NID2: variants seen among roughly 807,000 people sequenced by gnomAD.
NID2 encodes the protein nidogen-2.
Under a neutral mutation model 145.4 loss-of-function variants are expected in NID2, and 83 were observed. The observed-to-expected ratio is 0.57, with a 90% CI of 0.48 to 0.69. The LOEUF (loss-of-function observed/expected upper bound fraction) is 0.69, where lower values mean the gene tolerates loss of function less well. Among genes scored for constraint, NID2 ranks in the 30% least tolerant of loss-of-function variants. The probability of loss-of-function intolerance (pLI) is 0.00; values close to 1 mark genes in which losing one functional copy is unlikely to be tolerated. For missense variants in NID2, 1,807 were observed against 1,765.7 expected (o/e 1.02, Z -0.42); for synonymous variants, 739 against 701.3 (o/e 1.05, Z -0.85).
intron 19 of NID2, 99 bp from the exon 20 acceptor site, chr14:52,006,759 A>G: frequency 1.5e-6 from 2 of 1,306,544 alleles, no homozygotes; most frequent in South Asian, 2.7e-5. Context: ...GGGAAATAGG[A>G]TATTTTACTT....
rs1419051946 is a variant in NID2, at chr14:52,019,229, G to C, written c.2860C>G (p.Pro954Ala). ...QRHAQAQYAY[P>A]GARFHIPQCD... is the part of the protein sequence containing the mutation. ...TGGGGGATGTGGAACCGGGCCCCAGGGTAGGCATACTGGGCCTGGGCATGG... is the reference window on the plus strand; with the variant it reads ...TGGGGGATGTGGAACCGGGCCCCAGCGTAGGCATACTGGGCCTGGGCATGG... The change falls in exon 14 of 22, where the codon CCT (proline) becomes GCT (alanine). Residue 954 changes from proline (P) to alanine (A), a missense_variant. Pro to Ala is a conservative substitution (Grantham distance 27). Coordinates refer to ENST00000216286, the MANE Select transcript of NID2 (RefSeq NM_007361.4). 1.2e-6 allele frequency: 2 copies of C among 1,612,462 alleles called. No homozygotes were observed. Among genetic ancestry groups the C allele is most frequent in the African/African-American group, 2.7e-5 (2 of 74,874 alleles).
At chr14:52,049,642 C>T (rs1892622708) in intron 5 of NID2, among the ~76,000 whole-genome samples, 1 of 152,040 alleles carries the variant, frequency 6.6e-6, no homozygotes, top group Non-Finnish European at 1.5e-5. Flanking sequence ...CTCAGAATGA[C>T]AGACTAGTTA....
At chr14:52,067,749 G>C in intron 2 of NID2, 109 bp downstream of exon 2, 1 of 1,309,006 alleles carries the variant, frequency 7.6e-7, no homozygotes, top group Non-Finnish European at 1.1e-6. Context: ...GTCAGGTTCA[G>C]CGCAAGAGTA....
chr14:52,028,808 T>G lies in NID2; in HGVS notation c.2444A>C (p.Asn815Thr). The change falls in exon 11 of 22, where the codon AAC becomes ACC. Residue 815 changes from asparagine (N) to threonine (T), a missense_variant. Asn to Thr is a moderately conservative substitution (Grantham distance 65). Transcript: ENST00000216286. ...CATGFHRCGP[N>T]SVCINLPGSY... ...TCCAGGCAAGTTGATACATACAGAGTTGGGGCCACAGCGATGAAAGCCAGT... is the reference window on the plus strand; with the variant it reads ...TCCAGGCAAGTTGATACATACAGAGGTGGGGCCACAGCGATGAAAGCCAGT... 6.2e-7 allele frequency: 1 copy of G among 1,614,008 alleles called. No individual in the cohort carries two copies. The highest frequency in any genetic ancestry group is 8.5e-7 in the Non-Finnish European group (1 of 1,179,984).
intron 3 of NID2, among the ~76,000 whole-genome samples, chr14:52,055,941 T>TTGTGTGTGTTTGTG (rs59859441): frequency 0.6 from 89,705 of 150,414 alleles, 28,389 homozygotes; most frequent in Non-Finnish European, 0.73. Context: ...TTGTGTGTGT[T>TTGTGTGTGTTTGTG]TGTGTGTGTG....
intron 18 of NID2, chr14:52,008,199 G>A: frequency 2.5e-6 from 1 of 394,766 alleles, no homozygotes; most frequent in Non-Finnish European, 4.5e-6. Context: ...TGCCTTAGGG[G>A]CTCTCTCTTG....
At chr14:52,028,590 G>C (rs1316922049) in intron 11 of NID2, 132 bp downstream of exon 11, 4 of 1,049,542 alleles carry the variant, frequency 3.8e-6, no homozygotes, top group Non-Finnish European at 4.0e-6. Flanking sequence ...GGGTTATTTT[G>C]ATGTAAACTG....
Position 52,040,513 on chromosome 14 carries a change from G to A in NID2, c.2026+138C>T, listed in dbSNP as rs1331442544. On this transcript the variant is annotated intron_variant, in intron 8 of 21. Transcript: ENST00000216286. ...GATATATTTCATGGTAACAATAAGAGTAATAACATAATAGAGCTCATTTTA... is the reference window on the plus strand; with the variant it reads ...GATATATTTCATGGTAACAATAAGAATAATAACATAATAGAGCTCATTTTA... The A allele has an allele frequency of 9.8e-6, 7 of 711,518 alleles. No homozygotes were observed. The South Asian group carries it at 1.0e-4, about 11-fold the overall frequency. 44.1% of individuals were successfully genotyped at this position (711,518 alleles called of 1,614,324 possible).
chr14:52,040,732 G>A lies in NID2; in HGVS notation c.1945C>T (p.Gln649Ter). ...GCTGAGACGTAAGGCACCTGGCCTT[G>A]AATGTTGGTCTTAATGCTCAGGTAG... The part of the protein sequence containing the change: ...ENYLSIKTNI[Q>*]GQVPYVSANF... The change falls in exon 8 of 22, where the codon CAA becomes TAA. Residue 649 changes from glutamine to a stop codon, truncating the protein, a stop_gained. Coordinates refer to ENST00000216286, the MANE Select transcript of NID2 (RefSeq NM_007361.4). LOFTEE classifies it high-confidence loss of function. 6.2e-7 allele frequency: 1 copy of A among 1,614,158 alleles called. No homozygotes were observed. The highest frequency in any genetic ancestry group is 1.1e-5 in the South Asian group (1 of 91,072).
At chr14:52,048,167 G>C (rs528725684) in intron 5 of NID2, among the ~76,000 whole-genome samples, 1 of 152,146 alleles carries the variant, frequency 6.6e-6, no homozygotes, top group South Asian at 2.1e-4. Context: ...GAAATTTCTC[G>C]TGCTCATTTC....
At chr14:52,033,946 G>GT (rs1428794235) in intron 9 of NID2, among the ~76,000 whole-genome samples, 4 of 152,100 alleles carry the variant, frequency 2.6e-5, no homozygotes, top group African/African-American at 9.7e-5. Flanking sequence ...CACTTACTAT[G>GT]ACCAGGCAAA....
At chr14:52,014,160 G>C (rs1466685977) in intron 16 of NID2, 127 bp downstream of exon 16, 3 of 1,216,828 alleles carry the variant, frequency 2.5e-6, no homozygotes, top group Admixed American at 1.8e-5. Flanking sequence ...CCATGCCGAT[G>C]GGCTGCAGCT....
At chr14:52,056,463 T>C (rs537845305) in intron 3 of NID2, among the ~76,000 whole-genome samples, 2 of 152,296 alleles carry the variant, frequency 1.3e-5, no homozygotes, top group East Asian at 3.9e-4. Flanking sequence ...CCTTCCTCCC[T>C]GGGTTGTTAG....
At chr14:52,007,656 CATTTACTAGTACTTAA>C (rs1180395564) in intron 19 of NID2, 138 bp downstream of exon 19, 11 of 719,190 alleles carry the variant, frequency 1.5e-5, no homozygotes, top group East Asian at 7.6e-5. Context: ...TTTTAAGACT[CATTTACTAGTACTTAA>C]ATTTACTAGT....
chr14:52,060,387 A>AGC (rs1228587308), intron 2 of NID2, 31 bp from the exon 3 acceptor site: 3 of 1,164,496 alleles, frequency 2.6e-6, no homozygotes, highest in Non-Finnish European at 3.5e-6. Context: ...AAAGAGAGAG[A>AGC]GAGAGAGAGA....
chr14:52,014,632 GATCA>G (rs758811042), intron 15 of NID2, among the ~76,000 whole-genome samples, 176 bp from the exon 16 acceptor site: 1 of 151,928 alleles, frequency 6.6e-6, no homozygotes, highest in Non-Finnish European at 1.5e-5. Flanking sequence ...TTTTTTTAAG[GATCA>G]ATTATGTAAA....
chr14:52,011,680 A>C lies in NID2; in HGVS notation c.3424T>G (p.Ser1142Ala). The C allele has an allele frequency of 1.9e-6, 3 of 1,614,154 alleles. No homozygotes were observed. Among genetic ancestry groups the C allele is most frequent in the Non-Finnish European group, 2.5e-6 (3 of 1,180,014 alleles). ...TCGTAATCAATTCCCACGATTATGGAGCCCTTTGTGCATCAAATCATAGAA... is the reference window on the plus strand; with the variant it reads ...TCGTAATCAATTCCCACGATTATGGCGCCCTTTGTGCATCAAATCATAGAA... The part of the protein sequence containing the change: ...AAKTLLSLHG[S>A]IIVGIDYDCR... The change falls in exon 17 of 22, where the codon TCC (serine) becomes GCC (alanine). Residue 1142 changes from serine (S) to alanine (A), a missense_variant. Coordinates refer to ENST00000216286, the MANE Select transcript of NID2 (RefSeq NM_007361.4).
intron 5 of NID2, among the ~76,000 whole-genome samples, chr14:52,048,120 G>A (rs1446373606): frequency 2.0e-5 from 3 of 152,150 alleles, no homozygotes; most frequent in Non-Finnish European, 4.4e-5. Flanking sequence ...AATTTAATCT[G>A]ACCAATTGGC....
intron 3 of NID2, among the ~76,000 whole-genome samples, chr14:52,055,730 T>A (rs1285095136): frequency 6.6e-6 from 1 of 152,224 alleles, no homozygotes; most frequent in Non-Finnish European, 1.5e-5. Context: ...CAAAACACTA[T>A]GCTCACATTC....
Sources: allele counts gnomAD v4.1 joint callset (sites outside exome capture counted in the v4.1 genomes callset), GRCh38; gene constraint gnomAD v4.1.1; transcripts MANE v1.5; gene names NCBI Gene and HGNC (gene_info 2026-07-23, HGNC 2026-07-21).